The following MCTP1 variants were observed in gnomAD, a reference collection of about 807,000 sequenced individuals.
The protein encoded by MCTP1 is multiple C2 and transmembrane domain-containing protein 1.
MCTP1 carries 69 observed loss-of-function variants against 120.6 expected under a neutral mutation model. That is an observed-to-expected ratio of 0.57 (90% CI 0.47 to 0.70). The LOEUF is 0.70. Ranked by LOEUF, MCTP1 falls within the 30% of genes least tolerant of loss-of-function variation. MCTP1 has a pLI of 0.00. For missense variants in MCTP1, 1,203 were observed against 1,248.8 expected, an observed-to-expected ratio of 0.96 and a Z score of 0.55; for synonymous variants, 529 against 493.1, an observed-to-expected ratio of 1.07 and a Z score of -0.96.
At chr5:94,849,761 G>T (rs953747181) in intron 17 of MCTP1, among the ~76,000 whole-genome samples, 2 of 152,000 alleles carry the variant, frequency 1.3e-5, no homozygotes, top group Non-Finnish European at 2.9e-5. Context: ...AGAAATAAAG[G>T]TGCTTTTTGG....
intron 1 of MCTP1, among the ~76,000 whole-genome samples, chr5:95,045,275 A>G (rs953097354): frequency 6.6e-6 from 1 of 152,188 alleles, no homozygotes; most frequent in Non-Finnish European, 1.5e-5. Context: ...CCATCTAAAG[A>G]GTTCTTCATT....
At chr5:95,073,950 A>G (rs1045997146) in intron 1 of MCTP1, among the ~76,000 whole-genome samples, 5 of 152,102 alleles carry the variant, frequency 3.3e-5, no homozygotes, top group Admixed American at 6.5e-5. Flanking sequence ...GTCTCTACTG[A>G]AAATACAAAA....
At chr5:94,816,015 T>TA (rs528651379) in intron 17 of MCTP1, among the ~76,000 whole-genome samples, 98 of 152,212 alleles carry the variant, frequency 6.4e-4, no homozygotes, top group African/African-American at 2.2e-3. Context: ...AGGAAAAGCC[T>TA]AAAAAGGAAA....
At chr5:94,732,148 A>G (rs1490592090) in intron 19 of MCTP1, among the ~76,000 whole-genome samples, 1 of 152,210 alleles carries the variant, frequency 6.6e-6, no homozygotes, top group African/African-American at 2.4e-5. Context: ...TCCACAAAGG[A>G]TTCATTGACA....
chr5:95,198,893 T>G (rs1417204774), intron 1 of MCTP1, among the ~76,000 whole-genome samples: 2 of 152,246 alleles, frequency 1.3e-5, no homozygotes, highest in Non-Finnish European at 2.9e-5. Flanking sequence ...AGGGAGACAT[T>G]AGAGGATATT....
intron 18 of MCTP1, among the ~76,000 whole-genome samples, chr5:94,784,069 C>A (rs1777116257): frequency 6.6e-6 from 1 of 152,040 alleles, no homozygotes; most frequent in Non-Finnish European, 1.5e-5. Flanking sequence ...TCCAGATGTG[C>A]AACCATGTTA....
chr5:95,100,126 G>T (rs1180375359), intron 1 of MCTP1, among the ~76,000 whole-genome samples: 2 of 127,976 alleles, frequency 1.6e-5, no homozygotes, highest in African/African-American at 5.9e-5. Context: ...ACTGTTGTGG[G>T]GTGGGGGGAG....
intron 10 of MCTP1, among the ~76,000 whole-genome samples, chr5:94,900,764 T>C (rs982640031): frequency 6.6e-6 from 1 of 152,232 alleles, no homozygotes. Flanking sequence ...TTCATTAGTA[T>C]TGTGATATTA....
At chr5:95,033,942 C>T (rs1840767321) in intron 1 of MCTP1, among the ~76,000 whole-genome samples, 1 of 151,756 alleles carries the variant, frequency 6.6e-6, no homozygotes, top group Non-Finnish European at 1.5e-5. Flanking sequence ...AAGCTGGGAA[C>T]AAAAGTAAGA....
At chr5:95,038,955 T>C (rs1046904714) in intron 1 of MCTP1, among the ~76,000 whole-genome samples, 2 of 151,976 alleles carry the variant, frequency 1.3e-5, no homozygotes, top group Admixed American at 6.6e-5. Context: ...CTATAATACT[T>C]CCACATTTCC....
intron 1 of MCTP1, among the ~76,000 whole-genome samples, chr5:95,172,699 C>T (rs531715751): frequency 6.6e-6 from 1 of 152,138 alleles, no homozygotes; most frequent in African/African-American, 2.4e-5. Context: ...ATAATATATG[C>T]ACAATACATA....
chr5:95,254,364 G>A (rs1336043090), intron 1 of MCTP1, among the ~76,000 whole-genome samples: 4 of 152,070 alleles, frequency 2.6e-5, no homozygotes, highest in Admixed American at 2.6e-4. Flanking sequence ...CCAATTTCCA[G>A]ATGAGAAAAC....
intron 1 of MCTP1, among the ~76,000 whole-genome samples, chr5:95,134,939 A>G (rs1759318415): frequency 6.8e-6 from 1 of 147,360 alleles, no homozygotes; most frequent in African/African-American, 2.5e-5. Flanking sequence ...GTTTAATACA[A>G]CCTCTAAGTT....
intron 10 of MCTP1, among the ~76,000 whole-genome samples, chr5:94,900,204 T>G (rs1329766658): frequency 6.6e-6 from 1 of 152,236 alleles, no homozygotes; most frequent in African/African-American, 2.4e-5. Flanking sequence ...GGACAAGGCA[T>G]GCCCTCAGCC....
chr5:94,935,695 C>A (rs1816022497), intron 5 of MCTP1, among the ~76,000 whole-genome samples: 1 of 151,976 alleles, frequency 6.6e-6, no homozygotes, highest in African/African-American at 2.4e-5. Context: ...TAAATTATTT[C>A]TGAGTTAGTA....
chr5:94,969,310 A>AT (rs1826273332), intron 2 of MCTP1, among the ~76,000 whole-genome samples: 1 of 152,180 alleles, frequency 6.6e-6, no homozygotes, highest in Non-Finnish European at 1.5e-5. Context: ...GTCCATTTTT[A>AT]TGTAGCAATA....
At chr5:95,047,922 T>C (rs1386378167) in intron 1 of MCTP1, among the ~76,000 whole-genome samples, 3 of 152,178 alleles carry the variant, frequency 2.0e-5, no homozygotes, top group Admixed American at 2.0e-4. Flanking sequence ...CTCATAAATT[T>C]GGTACATACA....
intron 3 of MCTP1, among the ~76,000 whole-genome samples, chr5:94,946,440 C>A (rs1288270736): frequency 1.3e-5 from 2 of 152,070 alleles, no homozygotes; most frequent in African/African-American, 4.8e-5. Flanking sequence ...GTCCATGGAA[C>A]CATATGGATC....
At chr5:94,841,720 T>C (rs1791089142) in intron 17 of MCTP1, among the ~76,000 whole-genome samples, 1 of 152,212 alleles carries the variant, frequency 6.6e-6, no homozygotes, top group Non-Finnish European at 1.5e-5. Flanking sequence ...TATGCACTCA[T>C]ATACATTCAG....
Sources: allele counts gnomAD v4.1 joint callset (sites outside exome capture counted in the v4.1 genomes callset), GRCh38; gene constraint gnomAD v4.1.1; transcripts MANE v1.5; gene names NCBI Gene and HGNC (gene_info 2026-07-23, HGNC 2026-07-21).